Variants in CCDC93 observed in about 807,000 individuals in gnomAD.
CCDC93 encodes CCC complex scaffolding subunit CCDC93, also known as coiled-coil domain-containing protein 93.
Under a neutral mutation model 108.2 loss-of-function variants are expected in CCDC93, and 61 were observed. The ratio of observed to expected loss-of-function variants is 0.56; its 90% CI spans 0.46 to 0.70. The LOEUF (loss-of-function observed/expected upper bound fraction) is 0.70. Among genes scored for constraint, CCDC93 ranks in the 30% least tolerant of loss-of-function variants. The probability of loss-of-function intolerance (pLI) is 0.00; values close to 1 mark genes in which losing one functional copy is unlikely to be tolerated. For synonymous variants in CCDC93, 276 were observed against 260.4 expected (o/e 1.06, Z -0.58); for missense variants, 685 against 764.2 (o/e 0.90, Z 1.22).
Position 117,931,145 on chromosome 2 carries a change from T to C in CCDC93, c.1734A>G (p.Glu578=). The change falls in exon 23 of 24, where the codon GAA becomes GAG. Residue 578 remains glutamate (E), a synonymous_variant. Coordinates refer to ENST00000376300, the MANE Select transcript of CCDC93 (RefSeq NM_019044.5). The part of the protein sequence containing the change: ...EGIKQSRMKM[E]KKKQENKMRR... Reference sequence around the variant, plus strand: ...TCATTTTGTTCTCTTGCTTTTTCTTTTCCATCTGTTGAAACATTGTGGGAA... The same window carrying C: ...TCATTTTGTTCTCTTGCTTTTTCTTCTCCATCTGTTGAAACATTGTGGGAA... 6.2e-7 allele frequency: 1 copy of C among 1,610,658 alleles called. No homozygotes were observed. Among genetic ancestry groups the C allele is most frequent in the Non-Finnish European group, 8.5e-7 (1 of 1,176,896 alleles).
At chr2:117,962,600 A>G (rs1679432110) in intron 11 of CCDC93, among the ~76,000 whole-genome samples, 1 of 152,204 alleles carries the variant, frequency 6.6e-6, no homozygotes, top group Non-Finnish European at 1.5e-5. Context: ...CCGAGGTCAC[A>G]CCACTACACT....
At chr2:117,950,904 C>A (rs1679033400) in intron 13 of CCDC93, 2 of 985,414 alleles carry the variant, frequency 2.0e-6, no homozygotes, top group Middle Eastern at 1.0e-3. Context: ...GCTTTCCCAT[C>A]TGCAAAAAGG....
At chr2:117,976,671 T>C (rs1205522791) in intron 8 of CCDC93, among the ~76,000 whole-genome samples, 1 of 152,192 alleles carries the variant, frequency 6.6e-6, no homozygotes, top group Non-Finnish European at 1.5e-5. Context: ...TGTCAACTAA[T>C]GTACAAAGAA....
At position 118,008,528 on chromosome 2, in the gene CCDC93, G is replaced by A. The variant is rs778176220; in HGVS notation, c.156+17C>T. ...CTGACAAAAGATAGTGTAATGGTTA[G>A]AAAGATTTCCCCTTACCTTGTCAAA... On this transcript the variant is annotated intron_variant, in intron 2 of 23. Transcript: ENST00000376300. 5 of 1,398,610 alleles carry A rather than the reference G, an allele frequency of 3.6e-6. No individual in the cohort carries two copies. Among genetic ancestry groups the A allele is most frequent in the Non-Finnish European group, 5.0e-6 (5 of 990,480 alleles). 86.6% of individuals were successfully genotyped at this position (1,398,610 alleles called of 1,614,324 possible). A position where few individuals can be genotyped will look rare whatever the true frequency, so the allele number is the denominator to read the frequency against.
chr2:117,927,622 A>G (rs1179587188), intron 23 of CCDC93, among the ~76,000 whole-genome samples: 1 of 152,214 alleles, frequency 6.6e-6, no homozygotes, highest in East Asian at 1.9e-4. Context: ...ATACAAACAA[A>G]TGGAAGAACA....
rs1233100113 is a variant in CCDC93, at chr2:117,952,385, T to C, written c.1056A>G (p.Lys352=). 1 of 1,612,670 alleles carries C rather than the reference T, an allele frequency of 6.2e-7. No homozygotes were observed. The highest frequency in any genetic ancestry group is 8.5e-7 in the Non-Finnish European group (1 of 1,178,628). Residue 352 remains lysine (K), a synonymous_variant, in exon 13 of 24, where the codon AAA becomes AAG. Transcript: ENST00000376300. ...TCTATCTGCTCACCTCTGTCAGCGT[T>C]TTCTTGGCTTCATTATATCTGGCTT... The part of the protein sequence containing the change: ...SLQARYNEAK[K]TLTELKTYSE...
chr2:117,955,858 C>A (rs933614450), intron 12 of CCDC93, among the ~76,000 whole-genome samples: 5 of 152,140 alleles, frequency 3.3e-5, no homozygotes, highest in African/African-American at 1.2e-4. Flanking sequence ...GGTGAAGGGG[C>A]ATACATTTTT....
At chr2:117,975,418 C>A (rs1429368470) in intron 8 of CCDC93, 138 bp from the exon 9 acceptor site, 36 of 645,240 alleles carry the variant, frequency 5.6e-5, no homozygotes, top group Non-Finnish European at 8.7e-5. Flanking sequence ...AGTGGATACT[C>A]CAAACGGCTG....
At chr2:117,984,651 A>G (rs150663563) in intron 7 of CCDC93, among the ~76,000 whole-genome samples, 1 of 152,298 alleles carries the variant, frequency 6.6e-6, no homozygotes, top group African/African-American at 2.4e-5. Context: ...ATGATGATGG[A>G]AAAATGGATG....
chr2:117,937,143 G>A (rs1274019892), intron 20 of CCDC93, among the ~76,000 whole-genome samples: 1 of 152,198 alleles, frequency 6.6e-6, no homozygotes, highest in Non-Finnish European at 1.5e-5. Context: ...CAGACAGTGT[G>A]GAAAGTGAGA....
At chr2:117,999,206 A>G (rs894275277) in intron 4 of CCDC93, 1 of 152,210 alleles carries the variant, frequency 6.6e-6, no homozygotes, top group Non-Finnish European at 1.5e-5. Flanking sequence ...TCCAGGGTCC[A>G]TACTCTTGAC....
chr2:117,942,860 A>G (rs749244599), intron 18 of CCDC93, among the ~76,000 whole-genome samples: 16 of 152,310 alleles, frequency 1.1e-4, no homozygotes, highest in Non-Finnish European at 2.2e-4. Flanking sequence ...AAAAGCCCCA[A>G]ACAGATCTCA....
chr2:118,009,501 C>A (rs1444670435), intron 1 of CCDC93, among the ~76,000 whole-genome samples: 2 of 151,940 alleles, frequency 1.3e-5, no homozygotes, highest in Admixed American at 6.6e-5. Context: ...CAAAACCCCA[C>A]CTCTACTAAA....
At chr2:117,977,011 C>T (rs545764465) in intron 8 of CCDC93, among the ~76,000 whole-genome samples, 1 of 150,432 alleles carries the variant, frequency 6.6e-6, no homozygotes, top group Non-Finnish European at 1.5e-5. Flanking sequence ...TCTTGGCTCA[C>T]TGCAAGCTCC....
chr2:117,975,551 A>T (rs930627791), intron 8 of CCDC93, among the ~76,000 whole-genome samples: 23 of 152,202 alleles, frequency 1.5e-4, no homozygotes, highest in African/African-American at 5.3e-4. Context: ...TTACCCTTGC[A>T]CTTTGACTGG....
Position 117,946,831 on chromosome 2 carries a change from C to T in CCDC93, c.1276G>A (p.Ala426Thr), listed in dbSNP as rs1205569068. 6.2e-7 allele frequency: 1 copy of T among 1,612,848 alleles called. No homozygotes were observed. The highest frequency in any genetic ancestry group is 2.2e-5 in the East Asian group (1 of 44,896). Residue 426 changes from alanine to threonine, a missense_variant, in exon 16 of 24, where the codon GCA (alanine) becomes ACA (threonine). Physicochemically the swap from Ala to Thr is moderately conservative, Grantham distance 58. Coordinates refer to ENST00000376300, the MANE Select transcript of CCDC93 (RefSeq NM_019044.5). ...TTTACCTTTTCATCTCCACGTGGTG[C>T]TCTCTCAGCTTTCAGGTTTTCAATT... ...QEIENLKAERAPRGDEKTLSS... is the reference protein window; with the variant it reads ...QEIENLKAERTPRGDEKTLSS...
intron 6 of CCDC93, 147 bp downstream of exon 6, chr2:117,995,299 C>T (rs972437000): frequency 2.6e-5 from 18 of 694,802 alleles, no homozygotes; most frequent in African/African-American, 2.1e-4. Context: ...GTAAAGCAGG[C>T]GGGGCTTCCC....
At chr2:117,938,081 G>A (rs138239665) in intron 20 of CCDC93, among the ~76,000 whole-genome samples, 23 of 152,304 alleles carry the variant, frequency 1.5e-4, no homozygotes, top group African/African-American at 5.5e-4. Flanking sequence ...CAAGGTGAGG[G>A]GGAGGGTAGG....
chr2:117,950,007 C>T, intron 13 of CCDC93: 1 of 985,430 alleles, frequency 1.0e-6, no homozygotes, highest in Non-Finnish European at 1.2e-6. Flanking sequence ...AGAGCTGGTG[C>T]TTAAGTCTCA....
Sources: gnomAD v4.1 joint callset for allele counts (sites outside exome capture counted in the v4.1 genomes callset) on GRCh38, gnomAD v4.1.1 for gene constraint, MANE v1.5 for transcripts, NCBI Gene and HGNC (gene_info 2026-07-23, HGNC 2026-07-21) for gene names.